SLCO4A1: variants seen among roughly 807,000 people sequenced by gnomAD.
The protein encoded by SLCO4A1 is solute carrier organic anion transporter family member 4A1, also known as colon organic anion transporter.
SLCO4A1 carries 51 observed loss-of-function variants against 64.6 expected under a neutral mutation model. The observed-to-expected ratio is 0.79, with a 90% CI of 0.63 to 1.00. The LOEUF is 1.00. Among genes scored for constraint, SLCO4A1 ranks in the 50% least tolerant of loss-of-function variants. The pLI, the probability that SLCO4A1 is intolerant of heterozygous loss-of-function variation, is 0.00. For missense variants in SLCO4A1, 919 were observed against 980.5 expected (o/e 0.94, Z 0.84); for synonymous variants, 471 against 444.9 (o/e 1.06, Z -0.74).
Position 62,658,668 on chromosome 20 carries a change from C to G in SLCO4A1, c.797-9C>G. On this transcript the variant is annotated splice_polypyrimidine_tract_variant and intron_variant, in intron 2 of 11. Transcript: ENST00000217159. ...CACAGCGGCCCTGACGCCTCTGCCTCTCTCGCAGCCATCTTCTACACAGCG... is the reference window on the plus strand; with the variant it reads ...CACAGCGGCCCTGACGCCTCTGCCTGTCTCGCAGCCATCTTCTACACAGCG... 6.2e-7 allele frequency: 1 copy of G among 1,607,062 alleles called. No homozygotes were observed. The highest frequency in any genetic ancestry group is 8.5e-7 in the Non-Finnish European group (1 of 1,177,282).
chr20:62,684,618 C>A (rs1987984898), intron 2 of SLCO4A1, among the ~76,000 whole-genome samples: 1 of 152,176 alleles, frequency 6.6e-6, no homozygotes, highest in African/African-American at 2.4e-5. Flanking sequence ...TCCCTGGCAT[C>A]CCAGGGACTG....
chr20:62,683,317 C>G (rs1359009616), intron 2 of SLCO4A1, among the ~76,000 whole-genome samples: 5 of 152,090 alleles, frequency 3.3e-5, no homozygotes, highest in Admixed American at 3.3e-4. Context: ...AGACCCAGCA[C>G]TTCTCCTGCA....
Position 62,671,987 on chromosome 20 carries a change from A to G in SLCO4A1, c.*94A>G, listed in dbSNP as rs531682089. 2.1e-5 allele frequency: 33 copies of G among 1,597,046 alleles called. 1 individual carries two copies. Among genetic ancestry groups the G allele is most frequent in the East Asian group, 8.9e-5 (4 of 44,822 alleles). ...GTGATGCAATCACACGGGAACTTCT[A>G]TTTGACCTGCAACCTTCTACTTAAC... On this transcript the variant is annotated 3_prime_UTR_variant, in exon 12 of 12. Coordinates refer to ENST00000217159, the MANE Select transcript of SLCO4A1 (RefSeq NM_016354.4).
intron 5 of SLCO4A1, among the ~76,000 whole-genome samples, chr20:62,664,687 C>T (rs1360165544): frequency 6.6e-6 from 1 of 152,208 alleles, no homozygotes; most frequent in Non-Finnish European, 1.5e-5. Flanking sequence ...GTGGGTGTCC[C>T]CCACCTGCCT....
downstream of SLCO4A1, among the ~76,000 whole-genome samples, chr20:62,690,701 ACC>A (rs1988199144): frequency 2.0e-5 from 3 of 152,256 alleles, no homozygotes; most frequent in Non-Finnish European, 4.4e-5. Context: ...CAGGCAGAGA[ACC>A]GCAATTCAAT....
downstream of SLCO4A1, among the ~76,000 whole-genome samples, chr20:62,686,740 G>A (rs1468426579): frequency 1.3e-5 from 2 of 152,270 alleles, no homozygotes; most frequent in African/African-American, 2.4e-5. Context: ...GGCAGGTTTG[G>A]ACGGTGCAGA....
In SLCO4A1 at chr20:62,665,028, A is replaced by G; in HGVS notation, c.1216A>G (p.Ser406Gly). 6.2e-7 allele frequency: 1 copy of G among 1,613,848 alleles called. No individual in the cohort carries two copies. The highest frequency in any genetic ancestry group is 1.3e-5 in the African/African-American group (1 of 75,030). Residue 406 changes from serine (S) to glycine (G), a missense_variant, in exon 6 of 12, where the codon AGC (serine) becomes GGC (glycine). Ser to Gly is a moderately conservative substitution (Grantham distance 56, BLOSUM62 0). Transcript: ENST00000217159. ...TCTCATCACCGGCATGTCCACGTTC[A>G]GCCCCAAGTTCTTGGAGTCCCAGTT... ...ATLITGMSTF[S>G]PKFLESQFSL...
chr20:62,660,294 G>A, intron 3 of SLCO4A1, 118 bp from the exon 4 acceptor site: 1 of 1,206,768 alleles, frequency 8.3e-7, no homozygotes, highest in Non-Finnish European at 1.1e-6. Flanking sequence ...GTGTTGACCA[G>A]CGTGCAGACA....
Position 62,666,433 on chromosome 20 carries a change from G to A in SLCO4A1, c.1330G>A (p.Val444Met). 1.2e-6 allele frequency: 2 copies of A among 1,613,328 alleles called. No homozygotes were observed. The highest frequency in any genetic ancestry group is 1.7e-6 in the Non-Finnish European group (2 of 1,179,944). The change falls in exon 7 of 12, where the codon GTG becomes ATG. Residue 444 changes from valine (V) to methionine (M), a missense_variant. Physicochemically the swap from Val to Met is conservative, Grantham distance 21. Transcript: ENST00000217159. ...GGGTFLGGFF[V>M]NKLRLRGSAV... ...CGGCACCTTCCTGGGCGGCTTCTTT[G>A]TGAACAAGCTCAGGCTCCGGGGCTC...
At chr20:62,675,764 G>A (rs1236649579), downstream of SLCO4A1, among the ~76,000 whole-genome samples, 1 of 152,210 alleles carries the variant, frequency 6.6e-6, no homozygotes, top group African/African-American at 2.4e-5. Context: ...CCCTGGATAC[G>A]CCCTCGGCTG....
intron 7 of SLCO4A1, among the ~76,000 whole-genome samples, chr20:62,667,199 C>T (rs183681572): frequency 1.3e-4 from 20 of 152,324 alleles, no homozygotes; most frequent in Non-Finnish European, 2.6e-4. Context: ...GAAGCTCATC[C>T]TGGGCCACTG....
rs1164196112 is a variant in SLCO4A1 at position 62,644,141 on chromosome 20, C to T, written c.-97+1588C>T. 6.6e-6 allele frequency among the ~76,000 whole-genome samples: 1 copy of T among 152,210 alleles called. No homozygotes were observed. The highest frequency in any genetic ancestry group is 1.5e-5 in the Non-Finnish European group (1 of 68,036). On this transcript the variant is annotated intron_variant, in intron 1 of 11. Coordinates refer to ENST00000217159, the MANE Select transcript of SLCO4A1 (RefSeq NM_016354.4). The surrounding 1 kb of genome is among the most constrained non-coding windows in gnomAD (Gnocchi z 5.4). ...GTGTCTGTTCTGGGTTGTCAGTGAT[C>T]GCAGGACACCAGTAGGATGTTGCTC...
At chr20:62,664,659 G>A (rs923285859) in intron 5 of SLCO4A1, among the ~76,000 whole-genome samples, 29 of 152,154 alleles carry the variant, frequency 1.9e-4, no homozygotes, top group Admixed American at 7.8e-4. Context: ...GCGCCCCCTG[G>A]GTTTCTCTGG....
chr20:62,669,276 TG>T (rs1986909389), intron 11 of SLCO4A1, among the ~76,000 whole-genome samples, 198 bp downstream of exon 11: 1 of 152,230 alleles, frequency 6.6e-6, no homozygotes, highest in Admixed American at 6.5e-5. Context: ...GGCCTCCTCC[TG>T]GGGTTCACTG....
Position 62,664,959 on chromosome 20 carries a change from C to A in SLCO4A1, c.1147C>A (p.Pro383Thr), listed in dbSNP as rs1057360352. Residue 383 changes from proline (P) to threonine (T), a missense_variant, in exon 6 of 12, where the codon CCC becomes ACC. Transcript: ENST00000217159. ...PLSIWLLLKN[P>T]TFILLCLAGA... ...CTCCATCTGGCTCCTGCTGAAGAAC[C>A]CCACGTTCATCCTGCTCTGCCTGGC... 1 of 1,612,056 alleles carries A rather than the reference C, an allele frequency of 6.2e-7. No homozygotes were observed. The highest frequency in any genetic ancestry group is 8.5e-7 in the Non-Finnish European group (1 of 1,179,072).
chr20:62,677,714 G>A (rs1318391214), intron 2 of SLCO4A1, among the ~76,000 whole-genome samples: 5 of 152,264 alleles, frequency 3.3e-5, no homozygotes, highest in Non-Finnish European at 4.4e-5. Flanking sequence ...CCTGGCAGGC[G>A]ATTGGGAGTG....
chr20:62,669,135 G>A (rs1021121172), intron 11 of SLCO4A1, 57 bp downstream of exon 11: 92 of 1,541,786 alleles, frequency 6.0e-5, no homozygotes, highest in Non-Finnish European at 7.3e-5. Flanking sequence ...TGGGGGCTCC[G>A]AACATGCCGC....
chr20:62,687,757 C>T (rs1254113769), downstream of SLCO4A1, among the ~76,000 whole-genome samples: 1 of 152,188 alleles, frequency 6.6e-6, no homozygotes, highest in African/African-American at 2.4e-5. Context: ...TGTACCTCTG[C>T]TGGGGCCGCG....
intron 2 of SLCO4A1, among the ~76,000 whole-genome samples, chr20:62,679,339 T>C (rs1313019290): frequency 2.0e-5 from 3 of 151,566 alleles, no homozygotes; most frequent in African/African-American, 7.3e-5. Flanking sequence ...CACAAATCCA[T>C]ACATGTGTCA....
Sources: allele counts gnomAD v4.1 joint callset (sites outside exome capture counted in the v4.1 genomes callset), GRCh38; gene constraint gnomAD v4.1.1; non-coding constraint Gnocchi (gnomAD v3.1); transcripts MANE v1.5; gene names NCBI Gene and HGNC (gene_info 2026-07-23, HGNC 2026-07-21).